Variants in TXK observed in about 807,000 individuals in gnomAD.
TXK encodes tyrosine-protein kinase TXK.
TXK carries 60 observed loss-of-function variants against 81.0 expected under a neutral mutation model. That is an observed-to-expected ratio of 0.74 (90% CI 0.60 to 0.92). TXK has a LOEUF of 0.92. Among genes scored for constraint, TXK ranks in the 40% least tolerant of loss-of-function variants. The pLI is 0.00. For synonymous variants in TXK, 203 were observed against 210.7 expected, an observed-to-expected ratio of 0.96 and a Z score of 0.32; for missense variants, 581 against 638.3, an observed-to-expected ratio of 0.91 and a Z score of 0.97.
At chr4:48,129,435 G>A (rs1386588289) in intron 1 of TXK, among the ~76,000 whole-genome samples, 4 of 152,132 alleles carry the variant, frequency 2.6e-5, no homozygotes, top group South Asian at 4.1e-4. Flanking sequence ...CAAGTACCTA[G>A]CTAACAGGAC....
At chr4:48,098,880 C>T (rs1028548341) in intron 6 of TXK, among the ~76,000 whole-genome samples, 3 of 152,042 alleles carry the variant, frequency 2.0e-5, no homozygotes, top group Non-Finnish European at 4.4e-5. Context: ...CTGCAGTGAG[C>T]TGAGATTGCG....
chr4:48,069,038 C>A (rs1716723658), intron 14 of TXK, among the ~76,000 whole-genome samples: 1 of 152,218 alleles, frequency 6.6e-6, no homozygotes, highest in African/African-American at 2.4e-5. Flanking sequence ...AACTTTTGCA[C>A]CTGACATAAT....
At chr4:48,126,436 T>C (rs1719092869) in intron 1 of TXK, among the ~76,000 whole-genome samples, 1 of 152,242 alleles carries the variant, frequency 6.6e-6, no homozygotes, top group African/African-American at 2.4e-5. Context: ...TGTTAGGCTA[T>C]GAGTAGTTAC....
intron 14 of TXK, among the ~76,000 whole-genome samples, chr4:48,070,296 A>G (rs1027475464): frequency 6.6e-6 from 1 of 152,222 alleles, no homozygotes; most frequent in Non-Finnish European, 1.5e-5. Context: ...TAAGCTTGGC[A>G]TTTCAACAAA....
chr4:48,085,782 C>A (rs1717503319), intron 10 of TXK, among the ~76,000 whole-genome samples: 1 of 152,134 alleles, frequency 6.6e-6, no homozygotes, highest in Admixed American at 6.5e-5. Context: ...GATGGTCAAA[C>A]TCCCAGGGAA....
chr4:48,086,016 A>G (rs1326640527), intron 10 of TXK, among the ~76,000 whole-genome samples: 2 of 152,186 alleles, frequency 1.3e-5, no homozygotes, highest in Non-Finnish European at 2.9e-5. Context: ...GCAGACAGAA[A>G]AGCTAAAAGA....
chr4:48,078,360 TC>T (rs1277146637), intron 11 of TXK, among the ~76,000 whole-genome samples: 1 of 152,168 alleles, frequency 6.6e-6, no homozygotes, highest in East Asian at 1.9e-4. Flanking sequence ...TCCCTTTTTC[TC>T]CCCAAAATAC....
Position 48,080,118 on chromosome 4 carries a change from G to T in TXK, c.967C>A (p.His323Asn). The T allele has an allele frequency of 6.2e-7, 1 of 1,612,336 alleles. No individual in the cohort carries two copies. The highest frequency in any genetic ancestry group is 1.1e-5 in the South Asian group (1 of 91,046). ...CCATAAAGTTGCACTAGCTTTGAAT[G>T]AGATAATTTCCTGGTGAAGAAAAAC... ...EEAKVMMKLS[H>N]SKLVQLYGVC... The change falls in exon 11 of 15, where the codon CAT becomes AAT. Residue 323 changes from histidine (H) to asparagine (N), a missense_variant. By Grantham distance (68) the His-to-Asn change is moderately conservative. Transcript: ENST00000264316.
At chr4:48,075,699 G>A (rs918571055) in intron 12 of TXK, among the ~76,000 whole-genome samples, 4 of 151,958 alleles carry the variant, frequency 2.6e-5, no homozygotes, top group Non-Finnish European at 5.9e-5. Flanking sequence ...AATTCAGTAC[G>A]TGTTAGCAGC....
At chr4:48,131,756 A>G (rs1235924248) in intron 1 of TXK, among the ~76,000 whole-genome samples, 1 of 152,246 alleles carries the variant, frequency 6.6e-6, no homozygotes, top group Non-Finnish European at 1.5e-5. Context: ...TTTATTTTAT[A>G]TATAACCGAA....
In TXK at chr4:48,134,221, G is replaced by A; in HGVS notation, c.-51C>T. ...CAACAGTCTTCAGTTCTTCTGCGGT[G>A]CTCTACTCACAAAAACACATCTTTC... On this transcript the variant is annotated 5_prime_UTR_variant, in exon 1 of 15. Transcript: ENST00000264316. 5.6e-6 allele frequency: 9 copies of A among 1,605,530 alleles called. No homozygotes were observed. The highest frequency in any genetic ancestry group is 6.8e-6 in the Non-Finnish European group (8 of 1,175,768).
chr4:48,125,397 G>C (rs1055602602), intron 1 of TXK, among the ~76,000 whole-genome samples: 1 of 152,200 alleles, frequency 6.6e-6, no homozygotes, highest in Non-Finnish European at 1.5e-5. Context: ...ATAGGAGCAG[G>C]TGTGGTTTTC....
At chr4:48,128,153 T>C (rs1478627720) in intron 1 of TXK, among the ~76,000 whole-genome samples, 1 of 152,230 alleles carries the variant, frequency 6.6e-6, no homozygotes, top group African/African-American at 2.4e-5. Flanking sequence ...GCATTTCCGA[T>C]GTCAGGGTTT....
intron 1 of TXK, among the ~76,000 whole-genome samples, chr4:48,123,389 C>T (rs1244681092): frequency 6.6e-6 from 1 of 152,122 alleles, no homozygotes; most frequent in Non-Finnish European, 1.5e-5. Flanking sequence ...GTAAGAAAAC[C>T]ATTCTGTTGC....
chr4:48,109,364 C>T (rs954328217), intron 5 of TXK: 2 of 152,100 alleles, frequency 1.3e-5, no homozygotes, highest in Non-Finnish European at 2.9e-5. Context: ...CCATGCTAAT[C>T]TTCTCTGTAT....
In TXK at chr4:48,066,433, T is replaced by C. The variant is rs960304806; in HGVS notation, c.*1204A>G. 2 of 152,198 alleles carry C rather than the reference T, an allele frequency of 1.3e-5. No individual in the cohort carries two copies. The highest frequency in any genetic ancestry group is 4.8e-5 in the African/African-American group (2 of 41,446). 9.4% of individuals were successfully genotyped at this position (152,198 alleles called of 1,614,324 possible). ...ATACACATTTATTGAATGTCATTGA[T>C]ATATAAAGATACCATTCTTTGAGTG... On this transcript the variant is annotated 3_prime_UTR_variant, in exon 15 of 15. Transcript: ENST00000264316.
intron 7 of TXK, 65 bp from the exon 8 acceptor site, chr4:48,094,269 T>A: frequency 6.4e-7 from 1 of 1,570,810 alleles, no homozygotes; most frequent in Non-Finnish European, 8.7e-7. Context: ...AGCCAACTCA[T>A]TAAACAACAG....
intron 8 of TXK, 146 bp downstream of exon 8, chr4:48,093,931 T>C (rs1212178643): frequency 8.7e-7 from 1 of 1,153,956 alleles, no homozygotes; most frequent in African/African-American, 1.6e-5. Flanking sequence ...ATAAGAAAGA[T>C]AATTGCTCAA....
Position 48,071,515 on chromosome 4 carries a change from A to G in TXK, c.1515+2T>C. The G allele has an allele frequency of 6.2e-7, 1 of 1,611,842 alleles. No individual in the cohort carries two copies. Among genetic ancestry groups the G allele is most frequent in the Non-Finnish European group, 8.5e-7 (1 of 1,179,218 alleles). ...CTTCATAGGAAAGTAACATATGCTT[A>G]CCTCATGCCAGCAGCTGTACATGAC... On this transcript the variant is annotated splice_donor_variant, in intron 14 of 14. Coordinates refer to ENST00000264316, the MANE Select transcript of TXK (RefSeq NM_003328.3). LOFTEE classifies it high-confidence loss of function.
Sources: gnomAD v4.1 joint callset for allele counts (sites outside exome capture counted in the v4.1 genomes callset) on GRCh38, gnomAD v4.1.1 for gene constraint, MANE v1.5 for transcripts, NCBI Gene and HGNC (gene_info 2026-07-23, HGNC 2026-07-21) for gene names.